The following HJURP variants were observed in gnomAD, a reference collection of about 807,000 sequenced individuals.
The protein encoded by HJURP is Holliday junction recognition protein.
A neutral mutation model predicts 72.0 loss-of-function variants in HJURP; 49 were observed. That is an observed-to-expected ratio of 0.68 (90% confidence interval 0.54 to 0.86). HJURP has a LOEUF of 0.86. HJURP is among the 40% of genes least tolerant of loss of function. The pLI, the probability that HJURP is intolerant of heterozygous loss-of-function variation, is 0.00. For missense variants in HJURP, 908 were observed against 936.3 expected, an observed-to-expected ratio of 0.97 and a Z score of 0.39; for synonymous variants, 357 against 347.1, an observed-to-expected ratio of 1.03 and a Z score of -0.32.
At chr2:233,854,197 GCCT>G (rs1014644410) in intron 1 of HJURP, among the ~76,000 whole-genome samples, 184 bp downstream of exon 1, 3 of 151,784 alleles carry the variant, frequency 2.0e-5, no homozygotes, top group African/African-American at 7.2e-5. Flanking sequence ...CTTCGGCGCT[GCCT>G]CCTTTTTCCC....
Position 233,841,583 on chromosome 2 carries a change from A to G in HJURP, c.1197T>C (p.Asp399=). The change falls in exon 8 of 9, where the codon GAT becomes GAC. Residue 399 remains aspartate, a synonymous_variant. Coordinates refer to ENST00000411486, the MANE Select transcript of HJURP (RefSeq NM_018410.5). ...YFDSSATYNL[D]EENRFRTLKW... ...TTAATGTCCTAAATCTATTTTCCTC[A>G]TCAAGATTATATGTTGCACTGGAGT... The G allele has an allele frequency of 6.2e-7, 1 of 1,614,234 alleles. No homozygotes were observed. Among genetic ancestry groups the G allele is most frequent in the East Asian group, 2.2e-5 (1 of 44,894 alleles).
chr2:233,844,113 G>T, intron 7 of HJURP, 92 bp downstream of exon 7: 1 of 858,714 alleles, frequency 1.2e-6, no homozygotes. Flanking sequence ...AAATGATGGC[G>T]TGGCCAGTAT....
chr2:233,841,986 G>T lies in HJURP; in HGVS notation c.794C>A (p.Ala265Glu), dbSNP rs774420564. ...CCGGCTCATGGAGTGCAGCATCCCTGCGTACAGGTCACTGATGGTCACATT... is the reference window on the plus strand; with the variant it reads ...CCGGCTCATGGAGTGCAGCATCCCTTCGTACAGGTCACTGATGGTCACATT... ...ICNVTISDLY[A>E]GMLHSMSRLL... The change falls in exon 8 of 9, where the codon GCA (alanine) becomes GAA (glutamate). Residue 265 changes from alanine to glutamate, a missense_variant. By Grantham distance (107) the Ala-to-Glu change is moderately radical. This residue lies in a region of HJURP where 598 missense variants were observed against 619.5 expected (regional missense o/e 0.97). Transcript: ENST00000411486. 2 of 1,614,212 alleles carry T rather than the reference G, an allele frequency of 1.2e-6. No homozygotes were observed. Among genetic ancestry groups the T allele is most frequent in the South Asian group, 2.2e-5 (2 of 91,080 alleles).
intron 7 of HJURP, 149 bp from the exon 8 acceptor site, chr2:233,842,354 C>T (rs1574643701): frequency 1.6e-6 from 1 of 622,570 alleles, no homozygotes; most frequent in East Asian, 2.8e-5. Context: ...GGAGTAGACT[C>T]TTCTCAGAGA....
chr2:233,847,443 A>G lies in HJURP; in HGVS notation c.356T>C (p.Val119Ala). 6.2e-7 allele frequency: 1 copy of G among 1,614,014 alleles called. No individual in the cohort carries two copies. The highest frequency in any genetic ancestry group is 1.3e-5 in the African/African-American group (1 of 75,002). The change falls in exon 5 of 9, where the codon GTC becomes GCC. Residue 119 changes from valine to alanine, a missense_variant. Coordinates refer to ENST00000411486, the MANE Select transcript of HJURP (RefSeq NM_018410.5). ...CTCTTCCTGGTCTGACGTGGCATCG[A>G]CCTCACCGCTTTTTGAATCTAAAAG... ...VLGADSKSGE[V>A]DATSDQEESV...
At position 233,844,196 on chromosome 2, in the gene HJURP, C is replaced by T. The variant is rs1192507703; in HGVS notation, c.574+9G>A. On this transcript the variant is annotated intron_variant, in intron 7 of 8. Coordinates refer to ENST00000411486, the MANE Select transcript of HJURP (RefSeq NM_018410.5). ...CGCACTGTTCATACAGTTTCTATGTCACACTCACCGGGGGCAGGCACGGCA... is the reference window on the plus strand; with the variant it reads ...CGCACTGTTCATACAGTTTCTATGTTACACTCACCGGGGGCAGGCACGGCA... 3 of 1,612,800 alleles carry T rather than the reference C, an allele frequency of 1.9e-6. No individual in the cohort carries two copies. The highest frequency in any genetic ancestry group is 1.7e-6 in the Non-Finnish European group (2 of 1,178,770).
chr2:233,852,970 T>A (rs960104062), intron 2 of HJURP, among the ~76,000 whole-genome samples: 1 of 152,172 alleles, frequency 6.6e-6, no homozygotes, highest in Non-Finnish European at 1.5e-5. Flanking sequence ...TCGCAGGCAA[T>A]CTCTACATCC....
intron 8 of HJURP, among the ~76,000 whole-genome samples, chr2:233,839,663 C>T (rs1705169382): frequency 6.6e-6 from 1 of 152,210 alleles, no homozygotes; most frequent in Admixed American, 6.5e-5. Context: ...GAGCCAGTGG[C>T]TGAGAAGGGC....
rs762692031 is a variant in HJURP, at chr2:233,837,579, A to C, written c.2245T>G (p.Ter749GluextTer25). The C allele has an allele frequency of 6.3e-7, 1 of 1,597,460 alleles. No homozygotes were observed. The highest frequency in any genetic ancestry group is 8.6e-7 in the Non-Finnish European group (1 of 1,165,528). The part of the protein sequence containing the change: ...MLEKLETKSV[*>E] ...AATAACACTCCGAAATAACCTAGCTACACACTTTTAGTTTCCAATTTTTCT... is the reference window on the plus strand; with the variant it reads ...AATAACACTCCGAAATAACCTAGCTCCACACTTTTAGTTTCCAATTTTTCT... Residue 749 changes from the stop codon to glutamate (E), a stop_lost, in exon 9 of 9, where the codon TAG becomes GAG. Transcript: ENST00000411486.
At chr2:233,845,662 C>A in intron 6 of HJURP, 66 bp downstream of exon 6, 1 of 1,013,216 alleles carries the variant, frequency 9.9e-7, no homozygotes, top group South Asian at 1.4e-5. Context: ...CATAATAACA[C>A]TGTACCTCAA....
Position 233,841,149 on chromosome 2 carries a change from A to G in HJURP, c.1631T>C (p.Val544Ala). The stretch of plus-strand genomic sequence containing the variant: ...AAATATTCCAGAACTATTTCCCTGA[A>G]CGTGAAGGTCAGATGTCTGCTGCGG... ...TRPQQTSDLH[V>A]QGNSSGIFRK... Residue 544 changes from valine (V) to alanine (A), a missense_variant, in exon 8 of 9, where the codon GTT (valine) becomes GCT (alanine). Transcript: ENST00000411486. The G allele has an allele frequency of 6.2e-7, 1 of 1,614,098 alleles. No homozygotes were observed. The highest frequency in any genetic ancestry group is 1.1e-5 in the South Asian group (1 of 91,088).
Position 233,846,966 on chromosome 2 carries a change from A to G in HJURP, c.402+431T>C, listed in dbSNP as rs147562240. Among the ~76,000 whole-genome samples, 148 of 152,284 alleles carry G rather than the reference A, an allele frequency of 9.7e-4. No homozygotes were observed. The highest frequency in any genetic ancestry group is 3.2e-3 in the African/African-American group (133 of 41,564). ...TGTTTGGGTTAGTGACGGCTGCCCAATGAGGCGACCTTGTGACTTGGGGCA... is the reference window on the plus strand; with the variant it reads ...TGTTTGGGTTAGTGACGGCTGCCCAGTGAGGCGACCTTGTGACTTGGGGCA... On this transcript the variant is annotated intron_variant, in intron 5 of 8. Transcript: ENST00000411486. This position sits in a 1 kb window ranked among gnomAD's most constrained non-coding sequence, Gnocchi z 4.3.
At chr2:233,849,063 C>T (rs1175564640) in intron 4 of HJURP, among the ~76,000 whole-genome samples, 1 of 152,172 alleles carries the variant, frequency 6.6e-6, no homozygotes, top group Non-Finnish European at 1.5e-5. Flanking sequence ...AGAAACCTCA[C>T]CCAGAGTTGG....
At chr2:233,845,610 A>C in intron 6 of HJURP, 118 bp downstream of exon 6, 1 of 635,930 alleles carries the variant, frequency 1.6e-6, no homozygotes, top group Non-Finnish European at 2.7e-6. Flanking sequence ...GGAAATCATT[A>C]CTTCAAATGC....
chr2:233,839,098 C>T (rs180923146), intron 8 of HJURP, among the ~76,000 whole-genome samples: 1 of 152,342 alleles, frequency 6.6e-6, no homozygotes, highest in Admixed American at 6.5e-5. Context: ...AGATGACAAC[C>T]AAGGCTTGTT....
Position 233,846,074 on chromosome 2 carries a change from C to A in HJURP, c.403-254G>T. ...GAAGTTTATGACAGCATTGCTAGAC[C>A]AGGAAAAAAAAAATCTGAATATTCA... On this transcript the variant is annotated intron_variant, in intron 5 of 8. Coordinates refer to ENST00000411486, the MANE Select transcript of HJURP (RefSeq NM_018410.5). This position sits in a 1 kb window ranked among gnomAD's most constrained non-coding sequence, Gnocchi z 4.3. The A allele has an allele frequency of 1.0e-5, 4 of 385,210 alleles. No homozygotes were observed. The highest frequency in any genetic ancestry group is 7.1e-4 in the Middle Eastern group (1 of 1,416). 23.9% of individuals were successfully genotyped at this position (385,210 alleles called of 1,614,324 possible).
chr2:233,841,466 A>G lies in HJURP; in HGVS notation c.1314T>C (p.Phe438=). ...GGCAATATTCCCGATGAAGCTGATC[A>G]AATCGGATTTCAATCTCCCTCTGAC... ...ENRQREIEIR[F]DQLHREYCLS... is the part of the protein sequence containing the mutation. Residue 438 remains phenylalanine, a synonymous_variant, in exon 8 of 9, where the codon TTT becomes TTC. Transcript: ENST00000411486. The G allele has an allele frequency of 6.2e-7, 1 of 1,614,170 alleles. No individual in the cohort carries two copies.
Position 233,840,851 on chromosome 2 carries a change from G to T in HJURP, c.1929C>A (p.Pro643=). The part of the protein sequence containing the change: ...FQGFQKLPSS[P]LGCRKSLLGS... ...CCAGTAGACTTTTTCTGCACCCCAG[G>T]GGTGATGATGGCAACTTCTGGAAAC... is the stretch of plus-strand genomic sequence containing the variant. Residue 643 remains proline, a synonymous_variant, in exon 8 of 9, where the codon CCC becomes CCA. Coordinates refer to ENST00000411486, the MANE Select transcript of HJURP (RefSeq NM_018410.5). 6.2e-7 allele frequency: 1 copy of T among 1,614,120 alleles called. No individual in the cohort carries two copies. Among genetic ancestry groups the T allele is most frequent in the Non-Finnish European group, 8.5e-7 (1 of 1,180,032 alleles).
intron 5 of HJURP, among the ~76,000 whole-genome samples, chr2:233,847,007 G>A (rs1345598686): frequency 1.3e-5 from 2 of 152,132 alleles, no homozygotes; most frequent in African/African-American, 2.4e-5. Context: ...GGACAGACCT[G>A]GAAATACTCC....
Sources: gnomAD v4.1 joint callset for allele counts (sites outside exome capture counted in the v4.1 genomes callset) on GRCh38, gnomAD v4.1.1 for gene constraint, gnomAD v4.1.1 regional missense constraint, Gnocchi (gnomAD v3.1) non-coding constraint, MANE v1.5 for transcripts, NCBI Gene and HGNC (gene_info 2026-07-23, HGNC 2026-07-21) for gene names.